The following CNTN5 variants were observed in gnomAD, a reference collection of about 807,000 sequenced individuals.
CNTN5 encodes contactin 5.
A neutral mutation model predicts 129.1 loss-of-function variants in CNTN5; 77 were observed. The observed-to-expected ratio is 0.60, with a 90% CI of 0.50 to 0.72. CNTN5 has a LOEUF of 0.72. Among genes scored for constraint, CNTN5 ranks in the 30% least tolerant of loss-of-function variants. CNTN5 has a pLI of 0.00. For synonymous variants in CNTN5, 509 were observed against 465.6 expected (o/e 1.09, Z -1.20); for missense variants, 1,478 against 1,328.8 (o/e 1.11, Z -1.75).
chr11:99,408,464 A>AAGAAAGAC (rs1942223334), intron 2 of CNTN5, among the ~76,000 whole-genome samples: 3 of 118,228 alleles, frequency 2.5e-5, no homozygotes, highest in African/African-American at 6.2e-5. Context: ...GAAAGAAAGA[A>AAGAAAGAC]AGAAAGAAAG....
intron 21 of CNTN5, chr11:100,309,801 C>T (rs916480037): frequency 1.8e-6 from 1 of 552,874 alleles, no homozygotes; most frequent in Non-Finnish European, 2.3e-6. Flanking sequence ...ACACGTGCCT[C>T]CTCCAACTGC....
At chr11:99,122,919 A>G (rs1034544645) in intron 1 of CNTN5, among the ~76,000 whole-genome samples, 1 of 152,084 alleles carries the variant, frequency 6.6e-6, no homozygotes, top group East Asian at 1.9e-4. Flanking sequence ...GTGTATATGC[A>G]TCATATTTTT....
chr11:99,741,848 T>C (rs1284243048), intron 3 of CNTN5, among the ~76,000 whole-genome samples: 4 of 152,186 alleles, frequency 2.6e-5, no homozygotes, highest in African/African-American at 4.8e-5. Context: ...TTTGGTGTTA[T>C]ACATTATTAT....
chr11:99,527,974 T>G (rs1565263110), intron 2 of CNTN5, among the ~76,000 whole-genome samples: 1 of 152,124 alleles, frequency 6.6e-6, no homozygotes, highest in African/African-American at 2.4e-5. Context: ...CATGTAATCT[T>G]TGAAGGAAAT....
intron 7 of CNTN5, among the ~76,000 whole-genome samples, chr11:99,941,774 C>G (rs552984300): frequency 6.6e-6 from 1 of 152,038 alleles, no homozygotes; most frequent in Middle Eastern, 3.4e-3. Flanking sequence ...TTGCACGTGT[C>G]CTAAGTTGGA....
Position 100,190,512 on chromosome 11 carries a change from G to T in CNTN5, c.1581-614G>T, listed in dbSNP as rs180895753. On this transcript the variant is annotated intron_variant, in intron 13 of 24. Coordinates refer to ENST00000524871, the MANE Select transcript of CNTN5 (RefSeq NM_014361.4). ...TTTTCACCTTCATATGAAAGTGAAG[G>T]TCCAGTTTTAACAAAGGTCTTGAAA... is the stretch of plus-strand genomic sequence containing the variant. 3.7e-3 allele frequency among the ~76,000 whole-genome samples: 566 copies of T among 152,070 alleles called. 6 individuals are homozygous for T. The highest frequency in any genetic ancestry group is 5.3e-3 in the Non-Finnish European group (360 of 67,970).
chr11:100,010,592 C>T (rs1460904487), intron 9 of CNTN5, among the ~76,000 whole-genome samples: 1 of 151,692 alleles, frequency 6.6e-6, no homozygotes, highest in African/African-American at 2.4e-5. Flanking sequence ...CTTGCAATCT[C>T]CCTACAGTGC....
chr11:100,233,369 A>G (rs1427354400), intron 16 of CNTN5, among the ~76,000 whole-genome samples: 1 of 152,216 alleles, frequency 6.6e-6, no homozygotes, highest in East Asian at 1.9e-4. Flanking sequence ...GAGAATTTCT[A>G]TCAAGATGAT....
At chr11:99,104,427 C>T (rs547233125) in intron 1 of CNTN5, among the ~76,000 whole-genome samples, 1 of 152,010 alleles carries the variant, frequency 6.6e-6, no homozygotes, top group Admixed American at 6.6e-5. Context: ...AGATGTTGGT[C>T]AAAGAGTACA....
At position 99,597,170 on chromosome 11, in the gene CNTN5, T is replaced by C. The variant is rs142567578; in HGVS notation, c.55+40901T>C. ...TAAACAATACCAATCATATGATTCA[T>C]TTGAGTAACAAATATAATTGAATAT... is the stretch of plus-strand genomic sequence containing the variant. On this transcript the variant is annotated intron_variant, in intron 3 of 24. Transcript: ENST00000524871. Among the ~76,000 whole-genome samples the C allele has an allele frequency of 5.9e-5, 9 of 152,294 alleles. No homozygotes were observed. In the East Asian group the frequency reaches 1.7e-3, roughly 29 times the overall value.
At chr11:100,059,520 CA>C (rs1193898372) in intron 9 of CNTN5, among the ~76,000 whole-genome samples, 3 of 149,776 alleles carry the variant, frequency 2.0e-5, no homozygotes, top group Non-Finnish European at 4.5e-5. Flanking sequence ...ATAAAGCAAG[CA>C]AAATAATAAA....
intron 13 of CNTN5, among the ~76,000 whole-genome samples, chr11:100,112,168 C>G (rs1444398416): frequency 6.6e-6 from 1 of 152,096 alleles, no homozygotes; most frequent in Non-Finnish European, 1.5e-5. Flanking sequence ...GCTTTAACAG[C>G]CAGAGACTGC....
intron 13 of CNTN5, among the ~76,000 whole-genome samples, chr11:100,159,118 A>C (rs557321274): frequency 6.6e-6 from 1 of 151,868 alleles, no homozygotes; most frequent in Non-Finnish European, 1.5e-5. Flanking sequence ...AAACAGGCAA[A>C]ACTAATATAG....
At position 99,262,953 on chromosome 11, in the gene CNTN5, A is replaced by C. The variant is rs138409361; in HGVS notation, c.-209-62393A>C. Among the ~76,000 whole-genome samples the C allele has an allele frequency of 2.1e-3, 321 of 152,160 alleles. 5 individuals carry two copies. The highest frequency in any genetic ancestry group is 7.4e-3 in the African/African-American group (307 of 41,536). ...AAGGATGAAGGCTGGATGGGTTTGA[A>C]TATTATAACTCTCTTTTCTTTCCCT... On this transcript the variant is annotated intron_variant, in intron 1 of 24. Coordinates refer to ENST00000524871, the MANE Select transcript of CNTN5 (RefSeq NM_014361.4).
At chr11:100,232,431 A>C (rs1210834320) in intron 16 of CNTN5, among the ~76,000 whole-genome samples, 1 of 152,194 alleles carries the variant, frequency 6.6e-6, no homozygotes, top group Admixed American at 6.5e-5. Flanking sequence ...AGAAACTTGG[A>C]AGTAAATGAT....
At chr11:100,270,206 C>A (rs184818305) in intron 17 of CNTN5, among the ~76,000 whole-genome samples, 17 of 152,310 alleles carry the variant, frequency 1.1e-4, no homozygotes, top group East Asian at 1.9e-4. Context: ...TGGTAACATT[C>A]TTTTGGTACC....
intron 13 of CNTN5, among the ~76,000 whole-genome samples, chr11:100,121,599 C>A (rs1946024840): frequency 1.3e-5 from 2 of 151,938 alleles, no homozygotes. Context: ...ATCTGTTGAT[C>A]TCTAAAGGAC....
chr11:99,096,894 T>C (rs1565314078), intron 1 of CNTN5, among the ~76,000 whole-genome samples: 1 of 151,884 alleles, frequency 6.6e-6, no homozygotes, highest in African/African-American at 2.4e-5. Flanking sequence ...CAGATAATGA[T>C]TTCAAGACTC....
intron 7 of CNTN5, among the ~76,000 whole-genome samples, chr11:99,950,877 C>T (rs1408458253): frequency 1.3e-5 from 2 of 152,082 alleles, no homozygotes; most frequent in East Asian, 3.9e-4. Context: ...AAAATATAGG[C>T]TTAGAGTGAG....
Sources: allele counts gnomAD v4.1 joint callset (sites outside exome capture counted in the v4.1 genomes callset), GRCh38; gene constraint gnomAD v4.1.1; transcripts MANE v1.5; gene names NCBI Gene and HGNC (gene_info 2026-07-23, HGNC 2026-07-21).